Variants in PRKG1 observed in about 807,000 individuals in gnomAD.
PRKG1 encodes cGMP-dependent protein kinase 1.
In PRKG1, 35 loss-of-function variants were observed where a neutral mutation model predicts 88.1. The observed-to-expected ratio is 0.40, with a 90% CI of 0.30 to 0.53. PRKG1 has a LOEUF of 0.53. PRKG1 is among the 20% of genes least tolerant of loss of function. The pLI is 0.59. For missense variants in PRKG1, 540 were observed against 839.8 expected (o/e 0.64, Z 4.41); for synonymous variants, 303 against 292.5 (o/e 1.04, Z -0.37).
rs1452556612 is a variant in PRKG1, at chr10:51,982,955, G to C, written c.763-71529G>C. Among the ~76,000 whole-genome samples the C allele has an allele frequency of 4.6e-5, 7 of 152,146 alleles. No individual in the cohort carries two copies. The South Asian group carries it at 6.2e-4, about 14-fold the overall frequency. On this transcript the variant is annotated intron_variant, in intron 5 of 17. Transcript: ENST00000373980. ...GGGCAGGGAGTCCCTGCTGGCAACT[G>C]TACCCATGGTTGTGCTGGTGACGGT...
intron 3 of PRKG1, among the ~76,000 whole-genome samples, chr10:51,594,814 T>G (rs1270623560): frequency 6.6e-6 from 1 of 152,186 alleles, no homozygotes; most frequent in Admixed American, 6.5e-5. Context: ...TTTGATCACT[T>G]GAATTAGCAA....
intron 2 of PRKG1, among the ~76,000 whole-genome samples, chr10:51,184,493 T>G (rs1362666780): frequency 6.6e-6 from 1 of 152,216 alleles, no homozygotes; most frequent in Non-Finnish European, 1.5e-5. Flanking sequence ...TTATCTTTAT[T>G]CTGCAGTAGC....
intron 2 of PRKG1, among the ~76,000 whole-genome samples, chr10:51,206,171 G>A (rs1838053896): frequency 6.6e-6 from 1 of 152,108 alleles, no homozygotes; most frequent in Non-Finnish European, 1.5e-5. Flanking sequence ...ATCATAAACT[G>A]TGAGGGGCTA....
At chr10:52,001,581 T>A (rs1844601195) in intron 5 of PRKG1, among the ~76,000 whole-genome samples, 1 of 152,022 alleles carries the variant, frequency 6.6e-6, no homozygotes. Flanking sequence ...AGTCATTTTT[T>A]TTCCCTAAAA....
At chr10:51,451,424 A>G (rs1195061118) in intron 2 of PRKG1, among the ~76,000 whole-genome samples, 1 of 151,926 alleles carries the variant, frequency 6.6e-6, no homozygotes, top group African/African-American at 2.4e-5. Context: ...CAGATCCCTG[A>G]GTTCTATTAG....
chr10:52,290,148 TG>T (rs1842208098), intron 16 of PRKG1, 75 bp from the exon 17 acceptor site: 1 of 1,261,814 alleles, frequency 7.9e-7, no homozygotes, highest in African/African-American at 1.5e-5. Context: ...CCATTAGCCA[TG>T]GACATTGTAT....
At chr10:51,030,387 T>C (rs1712229085) in intron 1 of PRKG1, among the ~76,000 whole-genome samples, 1 of 152,200 alleles carries the variant, frequency 6.6e-6, no homozygotes, top group Non-Finnish European at 1.5e-5. Context: ...TAATGAATTA[T>C]AAAATCAGAG....
chr10:51,119,513 T>C (rs1845211730), intron 1 of PRKG1, among the ~76,000 whole-genome samples: 1 of 152,040 alleles, frequency 6.6e-6, no homozygotes, highest in African/African-American at 2.4e-5. Context: ...CATGCCTTAA[T>C]CTAGGAAAGA....
At chr10:51,048,849 G>A (rs1190272378) in intron 1 of PRKG1, among the ~76,000 whole-genome samples, 1 of 142,482 alleles carries the variant, frequency 7.0e-6, no homozygotes, top group Non-Finnish European at 1.6e-5. Flanking sequence ...AGGGAGTATA[G>A]TGACTTTTTT....
chr10:51,276,562 C>T (rs1564666526), intron 2 of PRKG1, among the ~76,000 whole-genome samples: 1 of 152,132 alleles, frequency 6.6e-6, no homozygotes, highest in Non-Finnish European at 1.5e-5. Context: ...AATGGTTGAA[C>T]TAGTTTACAG....
chr10:51,807,930 T>C (rs1329952936), intron 4 of PRKG1, among the ~76,000 whole-genome samples: 1 of 151,928 alleles, frequency 6.6e-6, no homozygotes, highest in African/African-American at 2.4e-5. Flanking sequence ...GAAAGAAAGG[T>C]GTTCTGAGGC....
At chr10:52,103,662 G>GAT (rs1390174833) in intron 7 of PRKG1, among the ~76,000 whole-genome samples, 1 of 151,952 alleles carries the variant, frequency 6.6e-6, no homozygotes, top group Non-Finnish European at 1.5e-5. Flanking sequence ...GGAGTCAAAA[G>GAT]ATATATGTGG....
chr10:51,469,154 C>G lies in PRKG1; in HGVS notation c.592+1318C>G, dbSNP rs1160574538. 2.6e-5 allele frequency among the ~76,000 whole-genome samples: 4 copies of G among 151,816 alleles called. 1 individual carries two copies. The South Asian group carries it at 8.3e-4, about 32-fold the overall frequency. On this transcript the variant is annotated intron_variant, in intron 3 of 17. Coordinates refer to ENST00000373980, the MANE Select transcript of PRKG1 (RefSeq NM_006258.4). ...AACTTTTAACTTACTTAAAAAGAAC[C>G]TTAACTATAGAAAGAATAGTCATGG...
chr10:51,567,822 G>A (rs904540037), intron 3 of PRKG1, among the ~76,000 whole-genome samples: 1 of 152,002 alleles, frequency 6.6e-6, no homozygotes, highest in Non-Finnish European at 1.5e-5. Context: ...CCTGACCTCA[G>A]GTGATCTGCC....
chr10:51,937,415 G>C (rs906331555), intron 5 of PRKG1, among the ~76,000 whole-genome samples: 2 of 151,980 alleles, frequency 1.3e-5, no homozygotes, highest in Non-Finnish European at 2.9e-5. Flanking sequence ...GGGGCTTTAA[G>C]CTATTATGTG....
At chr10:52,090,211 C>G (rs1041472749) in intron 7 of PRKG1, among the ~76,000 whole-genome samples, 1 of 151,850 alleles carries the variant, frequency 6.6e-6, no homozygotes, top group Non-Finnish European at 1.5e-5. Flanking sequence ...ATAAGATGAT[C>G]CTGGGGTATC....
At chr10:51,904,319 C>T (rs1842040971) in intron 4 of PRKG1, among the ~76,000 whole-genome samples, 1 of 151,916 alleles carries the variant, frequency 6.6e-6, no homozygotes, top group South Asian at 2.1e-4. Context: ...ATTTTGCTTT[C>T]AGTTTTCTAA....
At chr10:51,787,968 A>G (rs765231352) in intron 3 of PRKG1, among the ~76,000 whole-genome samples, 34 of 152,154 alleles carry the variant, frequency 2.2e-4, no homozygotes, top group Non-Finnish European at 1.0e-4. Flanking sequence ...TAATGTGTCA[A>G]CCGACCTTTG....
chr10:52,198,155 C>T (rs576283962), intron 9 of PRKG1, among the ~76,000 whole-genome samples: 4 of 152,282 alleles, frequency 2.6e-5, no homozygotes, highest in East Asian at 3.9e-4. Context: ...GCTTCTTCAT[C>T]GTTTTCCACA....
Sources: allele counts gnomAD v4.1 joint callset (sites outside exome capture counted in the v4.1 genomes callset), GRCh38; gene constraint gnomAD v4.1.1; transcripts MANE v1.5; gene names NCBI Gene and HGNC (gene_info 2026-07-23, HGNC 2026-07-21).